The following RGS22 variants were observed in gnomAD, a reference collection of about 807,000 sequenced individuals.
RGS22 encodes regulator of G protein signaling 22.
In RGS22, 148 loss-of-function variants were observed where a neutral mutation model predicts 172.9. The ratio of observed to expected loss-of-function variants is 0.86; its 90% CI spans 0.75 to 0.98. RGS22 has a LOEUF of 0.98. RGS22 is among the 50% of genes least tolerant of loss of function. The pLI is 0.00. For synonymous variants in RGS22, 458 were observed against 480.2 expected (o/e 0.95, Z 0.60); for missense variants, 1,347 against 1,440.8 (o/e 0.93, Z 1.05).
chr8:99,987,172 CT>C (rs886844329), intron 21 of RGS22, among the ~76,000 whole-genome samples: 1 of 152,108 alleles, frequency 6.6e-6, no homozygotes. Flanking sequence ...CATGTTGGCA[CT>C]CAAAAAGTTT....
chr8:100,034,935 A>C (rs1024800112), intron 14 of RGS22, among the ~76,000 whole-genome samples: 4 of 152,344 alleles, frequency 2.6e-5, no homozygotes, highest in Non-Finnish European at 5.9e-5. Context: ...TCCCCTCCTT[A>C]TACCTTACAC....
intron 14 of RGS22, among the ~76,000 whole-genome samples, chr8:100,031,767 T>G (rs567294621): frequency 6.6e-6 from 1 of 152,134 alleles, no homozygotes; most frequent in Non-Finnish European, 1.5e-5. Flanking sequence ...CATTCTCTAG[T>G]AGTGCTCTCT....
rs144281887 is a variant in RGS22 at position 99,978,272 on chromosome 8, T to C, written c.3361-197A>G. Among the ~76,000 whole-genome samples the C allele has an allele frequency of 8.4e-3, 1,284 of 152,320 alleles. 10 individuals are homozygous for C. The highest frequency in any genetic ancestry group is 0.017 in the Middle Eastern group (5 of 294). On this transcript the variant is annotated intron_variant, in intron 22 of 27. Transcript: ENST00000360863. ...GGTTTTTATTACCAATGAGAAGTCTTTCTTTTAAAAAAAAATACATTAAAT... is the reference window on the plus strand; with the variant it reads ...GGTTTTTATTACCAATGAGAAGTCTCTCTTTTAAAAAAAAATACATTAAAT...
At chr8:99,965,548 T>C (rs1192483948) in intron 23 of RGS22, 118 bp from the exon 24 acceptor site, 1 of 658,720 alleles carries the variant, frequency 1.5e-6, no homozygotes, top group Non-Finnish European at 2.5e-6. Context: ...GTGCTGCACT[T>C]AAGGTTTCAT....
At chr8:99,994,206 A>AGACAAGGATGCCCT (rs1814092368) in intron 20 of RGS22, among the ~76,000 whole-genome samples, 1 of 152,246 alleles carries the variant, frequency 6.6e-6, no homozygotes, top group South Asian at 2.1e-4. Flanking sequence ...AATCGGCACA[A>AGACAAGGATGCCCT]GACAAGGATG....
intron 2 of RGS22, among the ~76,000 whole-genome samples, chr8:100,104,520 T>C (rs1195038077): frequency 6.6e-6 from 1 of 152,026 alleles, no homozygotes; most frequent in Non-Finnish European, 1.5e-5. Context: ...GGACCAGAGC[T>C]CTGGAAAGGT....
intron 21 of RGS22, among the ~76,000 whole-genome samples, chr8:99,985,978 T>C (rs1317272301): frequency 2.0e-5 from 3 of 152,292 alleles, no homozygotes; most frequent in Non-Finnish European, 4.4e-5. Context: ...AAAATTATTT[T>C]AATATTGCTC....
chr8:100,053,957 A>C (rs903625323), intron 9 of RGS22, among the ~76,000 whole-genome samples: 3 of 152,188 alleles, frequency 2.0e-5, no homozygotes, highest in Admixed American at 6.5e-5. Flanking sequence ...ATAATGCTTA[A>C]GTATGCTACT....
intron 21 of RGS22, among the ~76,000 whole-genome samples, chr8:99,983,139 AT>A (rs1812727175): frequency 6.6e-6 from 1 of 152,056 alleles, no homozygotes; most frequent in Non-Finnish European, 1.5e-5. Context: ...ACATGATTTC[AT>A]TTTTTTATGG....
rs72050805 is a variant in RGS22, at chr8:100,060,402, G to GTATATATATATATATATATATATA, written c.1514+2188_1514+2189insTATATATATATATATATATATATA. ...GATAAATCTGCAACTTTAGCTACGT[G>GTATATATATATATATATATATATA]TATATATATATATATATATACACAC... On this transcript the variant is annotated intron_variant, in intron 9 of 27. Transcript: ENST00000360863. 8.2e-3 allele frequency among the ~76,000 whole-genome samples: 835 copies of GTATATATATATATATATATATATA among 102,392 alleles called. 32 individuals carry two copies. Among genetic ancestry groups the GTATATATATATATATATATATATA allele is most frequent in the Middle Eastern group, 0.021 (4 of 194 alleles). 67.2% of individuals were successfully genotyped at this position (102,392 alleles called of 152,430 possible).
At chr8:100,031,399 T>C (rs1187697968) in intron 14 of RGS22, among the ~76,000 whole-genome samples, 1 of 152,168 alleles carries the variant, frequency 6.6e-6, no homozygotes, top group Non-Finnish European at 1.5e-5. Context: ...TTTCTTTATA[T>C]TAAATAGCAC....
At chr8:99,975,354 CTTAA>C in intron 23 of RGS22, among the ~76,000 whole-genome samples, 1 of 151,890 alleles carries the variant, frequency 6.6e-6, no homozygotes, top group Non-Finnish European at 1.5e-5. Context: ...ACTAATAATC[CTTAA>C]TTAACCTGGT....
intron 3 of RGS22, among the ~76,000 whole-genome samples, chr8:100,091,173 T>C (rs983992022): frequency 1.3e-5 from 2 of 152,102 alleles, no homozygotes; most frequent in African/African-American, 4.8e-5. Flanking sequence ...TTCTCCTCCC[T>C]GTCCCCAGAT....
intron 14 of RGS22, among the ~76,000 whole-genome samples, chr8:100,027,764 T>C (rs1818339934): frequency 6.6e-6 from 1 of 152,216 alleles, no homozygotes; most frequent in South Asian, 2.1e-4. Flanking sequence ...ATTATAGGCA[T>C]GAGCCATCAC....
chr8:100,064,000 C>CT lies in RGS22; in HGVS notation c.767dup (p.Asp257GlyfsTer4), dbSNP rs769316869. ...TCAATTTGTTGGTTTTAGATGGGTC[C>CT]TTTTTTGTCCTAGGGTGAACTCCAT... On this transcript the variant is annotated frameshift_variant, in exon 8 of 28. Coordinates refer to ENST00000360863, the MANE Select transcript of RGS22 (RefSeq NM_015668.5). LOFTEE classifies it high-confidence loss of function. The CT allele has an allele frequency of 3.9e-6, 6 of 1,542,656 alleles. No homozygotes were observed. The Admixed American group carries it at 1.1e-4, about 27-fold the overall frequency.
intron 3 of RGS22, among the ~76,000 whole-genome samples, chr8:100,090,088 T>C (rs1484509987): frequency 3.9e-5 from 6 of 152,180 alleles, no homozygotes; most frequent in African/African-American, 1.4e-4. Context: ...GCTGCAGGAA[T>C]GGAGGACGAG....
intron 9 of RGS22, among the ~76,000 whole-genome samples, chr8:100,057,306 A>C (rs1809716043): frequency 2.0e-5 from 3 of 152,218 alleles, no homozygotes; most frequent in Admixed American, 2.0e-4. Flanking sequence ...GTCTCAAATG[A>C]GACTTTGGAC....
chr8:99,986,018 A>C lies in RGS22; in HGVS notation c.3180+1440T>G, dbSNP rs147592803. On this transcript the variant is annotated intron_variant, in intron 21 of 27. Transcript: ENST00000360863. ...GAAAGATTGTGAAAAAACTTCTCTC[A>C]AATTTTTTTTTTACCAGCCTGGGCA... Among the ~76,000 whole-genome samples, 516 of 152,106 alleles carry C rather than the reference A, an allele frequency of 3.4e-3. 3 individuals carry two copies. Among genetic ancestry groups the C allele is most frequent in the African/African-American group, 0.012 (484 of 41,448 alleles).
intron 23 of RGS22, among the ~76,000 whole-genome samples, chr8:99,974,203 A>G (rs1173390461): frequency 6.6e-6 from 1 of 152,156 alleles, no homozygotes; most frequent in Admixed American, 6.5e-5. Flanking sequence ...TAAAATGGTT[A>G]TACCCTTTCA....
Sources: allele counts gnomAD v4.1 joint callset (sites outside exome capture counted in the v4.1 genomes callset), GRCh38; gene constraint gnomAD v4.1.1; transcripts MANE v1.5; gene names NCBI Gene and HGNC (gene_info 2026-07-23, HGNC 2026-07-21).